The following CACNA1C variants were observed in gnomAD, a reference collection of about 807,000 sequenced individuals.
CACNA1C encodes the protein calcium voltage-gated channel subunit alpha1 C.
A neutral mutation model predicts 229.0 loss-of-function variants in CACNA1C; 30 were observed. The ratio of observed to expected loss-of-function variants is 0.13; its 90% CI spans 0.10 to 0.18. The LOEUF (loss-of-function observed/expected upper bound fraction) is 0.18, where lower values mean the gene tolerates loss of function less well. CACNA1C is among the 10% of genes least tolerant of loss of function. CACNA1C has a pLI of 1.00. For missense variants in CACNA1C, 1,658 were observed against 2,845.0 expected (o/e 0.58, Z 9.49); for synonymous variants, 1,114 against 1,132.5 (o/e 0.98, Z 0.33).
At chr12:2,183,492 A>C (rs543552236) in intron 3 of CACNA1C, among the ~76,000 whole-genome samples, 18 of 152,386 alleles carry the variant, frequency 1.2e-4, no homozygotes, top group African/African-American at 4.3e-4. Flanking sequence ...ATGTTTCCCC[A>C]GTGATTCTGA....
intron 3 of CACNA1C, among the ~76,000 whole-genome samples, chr12:2,325,666 G>T (rs1408131885): frequency 2.0e-5 from 3 of 152,246 alleles, no homozygotes; most frequent in Non-Finnish European, 4.4e-5. Flanking sequence ...CAATAAATAT[G>T]AGTTTCCTTC....
intron 3 of CACNA1C, among the ~76,000 whole-genome samples, chr12:2,408,076 T>C (rs560333202): frequency 1.3e-5 from 2 of 152,298 alleles, no homozygotes; most frequent in Non-Finnish European, 2.9e-5. Context: ...ACCAGGAATT[T>C]CCAACACACG....
At chr12:2,304,382 C>CA (rs2154477335) in intron 3 of CACNA1C, among the ~76,000 whole-genome samples, 1 of 152,332 alleles carries the variant, frequency 6.6e-6, no homozygotes, top group Admixed American at 6.5e-5. Context: ...GGGTCCCTCT[C>CA]ACAGCAGCGA....
intron 3 of CACNA1C, among the ~76,000 whole-genome samples, chr12:2,414,333 C>T (rs971261082): frequency 1.3e-5 from 2 of 152,192 alleles, no homozygotes; most frequent in Admixed American, 6.5e-5. Context: ...ACTTCCCATT[C>T]CTTTTGTGGC....
At chr12:2,511,704 G>A (rs2099784419) in intron 8 of CACNA1C, among the ~76,000 whole-genome samples, 1 of 152,150 alleles carries the variant, frequency 6.6e-6, no homozygotes, top group African/African-American at 2.4e-5. Flanking sequence ...CTTGCTTTGA[G>A]GGTTGAGAAT....
Position 2,685,654 on chromosome 12 carries a change from G to A in CACNA1C, c.5574-82G>A, listed in dbSNP as rs1207872124. 37 of 1,007,376 alleles carry A rather than the reference G, an allele frequency of 3.7e-5. No individual in the cohort carries two copies. In the Admixed American group the frequency reaches 6.7e-4, roughly 18 times the overall value. The allele number at this position is 1,007,376 out of a possible 1,614,324, so 62.4% of individuals were successfully genotyped here. The stretch of plus-strand genomic sequence containing the variant: ...TCCCTTCACTAAGGATCAGAGCAAA[G>A]TGCTTTCCGGGGGTGCAGCTGTCCC... On this transcript the variant is annotated intron_variant, in intron 43 of 46. Coordinates refer to ENST00000399655, the MANE Select transcript of CACNA1C (RefSeq NM_000719.7).
chr12:2,379,697 C>T (rs978023628), intron 3 of CACNA1C, among the ~76,000 whole-genome samples: 1 of 152,108 alleles, frequency 6.6e-6, no homozygotes, highest in Non-Finnish European at 1.5e-5. Flanking sequence ...CTTCCTTCAC[C>T]CATTACAGAG....
At chr12:2,399,980 A>G (rs115682843) in intron 3 of CACNA1C, among the ~76,000 whole-genome samples, 1,623 of 152,232 alleles carry the variant, frequency 0.011, 26 homozygotes, top group African/African-American at 0.037. Flanking sequence ...TTTTTAGGAG[A>G]TTTAGACAGT....
At position 2,215,517 on chromosome 12, in the gene CACNA1C, G is replaced by A. The variant is rs1566452770; in HGVS notation, c.477+95087G>A. On this transcript the variant is annotated intron_variant, in intron 3 of 46. Coordinates refer to ENST00000399655, the MANE Select transcript of CACNA1C (RefSeq NM_000719.7). The surrounding 1 kb of genome is among the most constrained non-coding windows in gnomAD (Gnocchi z 5.0). ...GCCTGATTCCTCCAGCTCATGCTCTGTCTTTCCTCAGAGCTCCTACCACAG... is the reference window on the plus strand; with the variant it reads ...GCCTGATTCCTCCAGCTCATGCTCTATCTTTCCTCAGAGCTCCTACCACAG... Among the ~76,000 whole-genome samples the A allele has an allele frequency of 6.6e-6, 1 of 152,126 alleles. No homozygotes were observed. The highest frequency in any genetic ancestry group is 1.5e-5 in the Non-Finnish European group (1 of 68,026).
intron 30 of CACNA1C, among the ~76,000 whole-genome samples, chr12:2,637,425 A>G (rs73243567): frequency 0.029 from 4,403 of 152,286 alleles, 215 homozygotes; most frequent in African/African-American, 0.1. Context: ...CCACAGTCGA[A>G]AGCCCTGTTT....
chr12:2,071,172 C>CCCTCCCTTCCTCCCTT (rs1555115765), intron 1 of CACNA1C, among the ~76,000 whole-genome samples: 2 of 16,042 alleles, frequency 1.2e-4, no homozygotes, highest in African/African-American at 7.8e-4. Flanking sequence ...CTCCCTCCCT[C>CCCTCCCTTCCTCCCTT]CCTGCCTGCC....
intron 3 of CACNA1C, among the ~76,000 whole-genome samples, chr12:2,283,743 A>G (rs2092042157): frequency 6.6e-6 from 1 of 152,248 alleles, no homozygotes. Context: ...ACAAGCTCCC[A>G]GAGGATGCTG....
At chr12:2,363,796 G>A (rs1479965884) in intron 3 of CACNA1C, among the ~76,000 whole-genome samples, 4 of 152,224 alleles carry the variant, frequency 2.6e-5, no homozygotes, top group African/African-American at 4.8e-5. Flanking sequence ...AAGGTTTGGG[G>A]TAGGGGGACG....
chr12:2,492,400 C>G (rs915990674), intron 6 of CACNA1C, among the ~76,000 whole-genome samples: 1 of 152,202 alleles, frequency 6.6e-6, no homozygotes, highest in Non-Finnish European at 1.5e-5. Context: ...CACTGCCGCT[C>G]TATCTTGATA....
chr12:2,252,257 G>A (rs1394033931), intron 3 of CACNA1C, among the ~76,000 whole-genome samples: 3 of 152,164 alleles, frequency 2.0e-5, no homozygotes, highest in Non-Finnish European at 4.4e-5. Context: ...ATTTGCTGGG[G>A]GCTCTTGTGG....
At chr12:2,310,177 T>C (rs1414960859) in intron 3 of CACNA1C, among the ~76,000 whole-genome samples, 1 of 151,942 alleles carries the variant, frequency 6.6e-6, no homozygotes, top group Admixed American at 6.6e-5. Flanking sequence ...TAAGTAGTAT[T>C]ATTACACACA....
intron 9 of CACNA1C, among the ~76,000 whole-genome samples, chr12:2,545,406 C>T (rs1187173675): frequency 6.6e-6 from 1 of 152,012 alleles, no homozygotes; most frequent in Admixed American, 6.6e-5. Flanking sequence ...CATGGCCTGC[C>T]ATTATGCTCC....
At chr12:2,307,838 C>T (rs2095165363) in intron 3 of CACNA1C, among the ~76,000 whole-genome samples, 2 of 152,172 alleles carry the variant, frequency 1.3e-5, no homozygotes, top group Admixed American at 1.3e-4. Context: ...TGCGGCTGCC[C>T]ACTATTGCAG....
chr12:2,665,314 G>GT lies in CACNA1C; in HGVS notation c.4399-266dup, dbSNP rs1436861059. On this transcript the variant is annotated intron_variant, in intron 35 of 46. Coordinates refer to ENST00000399655, the MANE Select transcript of CACNA1C (RefSeq NM_000719.7). This position sits in a 1 kb window ranked among gnomAD's most constrained non-coding sequence, Gnocchi z 5.9. ...TGAGGAGTGAGGAAAAGGGGATAAA[G>GT]TCCCCCTCTGTCCTGCACAGCCCTG... 2.6e-5 allele frequency among the ~76,000 whole-genome samples: 4 copies of GT among 152,296 alleles called. No individual in the cohort carries two copies. The East Asian group carries it at 5.8e-4, about 22-fold the overall frequency.
Sources: gnomAD v4.1 joint callset for allele counts (sites outside exome capture counted in the v4.1 genomes callset) on GRCh38, gnomAD v4.1.1 for gene constraint, Gnocchi (gnomAD v3.1) non-coding constraint, MANE v1.5 for transcripts, NCBI Gene and HGNC (gene_info 2026-07-23, HGNC 2026-07-21) for gene names.